NUDT4: variants seen among roughly 807,000 people sequenced by gnomAD.
NUDT4 encodes the protein nudix hydrolase 4.
NUDT4 carries 5 observed loss-of-function variants against 23.1 expected under a neutral mutation model. The observed-to-expected ratio is 0.22, with a 90% CI of 0.11 to 0.46. NUDT4 has a LOEUF of 0.46. Ranked by LOEUF, NUDT4 falls within the 20% of genes least tolerant of loss-of-function variation. NUDT4 has a pLI of 0.99. For synonymous variants in NUDT4, 50 were observed against 79.0 expected, an observed-to-expected ratio of 0.63 and a Z score of 1.95; for missense variants, 96 against 211.6, an observed-to-expected ratio of 0.45 and a Z score of 3.39.
At chr12:93,393,802 C>T (rs1258136514) in intron 1 of NUDT4, among the ~76,000 whole-genome samples, 1 of 152,158 alleles carries the variant, frequency 6.6e-6, no homozygotes, top group African/African-American at 2.4e-5. Context: ...CAGTAACAAG[C>T]ACTCTGTATC....
Position 93,402,898 on chromosome 12 carries a change from TAGAATCCTTA to T in NUDT4, c.*3522_*3531del. On this transcript the variant is annotated 3_prime_UTR_variant, in exon 5 of 5. Transcript: ENST00000415493. ...ACATACTGCTGCCAAAGACCAACTGTAGAATCCTTAAGTCCTGTTCAAGTGTCACTTCATT... is the reference window on the plus strand; with the variant it reads ...ACATACTGCTGCCAAAGACCAACTGTAGTCCTGTTCAAGTGTCACTTCATT... 1 of 152,328 alleles carries T rather than the reference TAGAATCCTTA, an allele frequency of 6.6e-6. No individual in the cohort carries two copies. Among genetic ancestry groups the T allele is most frequent in the Non-Finnish European group, 1.5e-5 (1 of 68,022 alleles). The allele number at this position is 152,328 out of a possible 1,614,324, so 9.4% of individuals were successfully genotyped here.
chr12:93,387,723 C>T (rs1215559041), intron 1 of NUDT4, among the ~76,000 whole-genome samples: 1 of 152,174 alleles, frequency 6.6e-6, no homozygotes, highest in Non-Finnish European at 1.5e-5. Context: ...AAGTGCATGA[C>T]AGACCCCAGG....
intron 1 of NUDT4, among the ~76,000 whole-genome samples, chr12:93,387,784 CTT>C (rs1421885808): frequency 1.3e-5 from 2 of 152,130 alleles, no homozygotes; most frequent in African/African-American, 4.8e-5. Flanking sequence ...AGTTAAAAGA[CTT>C]TTCACTGTTA....
Position 93,403,023 on chromosome 12 carries a change from G to A in NUDT4, c.*3644G>A, listed in dbSNP as rs957087112. 12 of 132,168 alleles carry A rather than the reference G, an allele frequency of 9.1e-5. No homozygotes were observed. The highest frequency in any genetic ancestry group is 4.0e-4 in the African/African-American group (12 of 30,054). The allele number at this position is 132,168 out of a possible 1,614,324, so 8.2% of individuals were successfully genotyped here. A position where few individuals can be genotyped will look rare whatever the true frequency, so the allele number is the denominator to read the frequency against. On this transcript the variant is annotated 3_prime_UTR_variant, in exon 5 of 5. Transcript: ENST00000415493. ...ATTGGAGTATAAGAATTCTCTATAG[G>A]ACTCTTTAATTTTTTTTTTTTTTTG...
intron 1 of NUDT4, among the ~76,000 whole-genome samples, chr12:93,383,569 C>T (rs917578666): frequency 1.4e-4 from 22 of 152,208 alleles, no homozygotes; most frequent in African/African-American, 3.6e-4. Flanking sequence ...CAGTGGCTCA[C>T]GCCTGTAATC....
chr12:93,392,247 C>T (rs12809913), intron 1 of NUDT4, among the ~76,000 whole-genome samples: 8,549 of 136,206 alleles, frequency 0.063, 372 homozygotes, highest in Middle Eastern at 0.075. Flanking sequence ...TTTGTTTCCC[C>T]CCCCCCCTTT....
chr12:93,390,690 G>A (rs982020570), intron 1 of NUDT4, among the ~76,000 whole-genome samples: 2 of 151,890 alleles, frequency 1.3e-5, no homozygotes, highest in African/African-American at 4.8e-5. Flanking sequence ...CTGTAACCTC[G>A]ACCTCCTGGG....
Position 93,403,848 on chromosome 12 carries a change from C to T in NUDT4, c.*4469C>T, listed in dbSNP as rs775650366. 6.6e-5 allele frequency: 10 copies of T among 152,154 alleles called. No homozygotes were observed. The highest frequency in any genetic ancestry group is 6.5e-4 in the Admixed American group (10 of 15,278). 9.4% of individuals were successfully genotyped at this position (152,154 alleles called of 1,614,324 possible). On this transcript the variant is annotated 3_prime_UTR_variant, in exon 5 of 5. Coordinates refer to ENST00000415493, the MANE Select transcript of NUDT4 (RefSeq NM_019094.6). The stretch of plus-strand genomic sequence containing the variant: ...TGCCACTGGCTAAATTCTAGCAGTA[C>T]GATGAGAGGGCCATTAAGGCCTATC...
chr12:93,395,437 T>G, intron 2 of NUDT4, 52 bp from the exon 3 acceptor site: 1 of 1,276,064 alleles, frequency 7.8e-7, no homozygotes. Flanking sequence ...TGTATTTATA[T>G]ACATTTTGTT....
intron 1 of NUDT4, among the ~76,000 whole-genome samples, chr12:93,384,765 ATTCTT>A (rs1875942725): frequency 2.0e-5 from 3 of 151,286 alleles, no homozygotes; most frequent in Admixed American, 1.3e-4. Context: ...TCAATACACT[ATTCTT>A]TTTTTTTTAA....
intron 1 of NUDT4, chr12:93,385,191 C>G (rs1875968266): frequency 6.6e-6 from 1 of 152,078 alleles, no homozygotes; most frequent in African/African-American, 2.4e-5. Context: ...TGGTAATTAT[C>G]TAATACATGG....
chr12:93,394,771 CTTT>C, intron 2 of NUDT4, 52 bp downstream of exon 2: 4 of 1,127,160 alleles, frequency 3.5e-6, no homozygotes, highest in Non-Finnish European at 5.3e-6. Flanking sequence ...AAACAAGGCC[CTTT>C]GCTACATAAC....
chr12:93,405,667 AAAC>A lies in NUDT4; in HGVS notation c.*6291_*6293del, dbSNP rs1393963376. ...GGGGTGAGTGTATAGTTAAGAAAAC[AAAC>A]AATATATTACTAGTCCAGGTGGTAG... On this transcript the variant is annotated 3_prime_UTR_variant, in exon 5 of 5. Coordinates refer to ENST00000415493, the MANE Select transcript of NUDT4 (RefSeq NM_019094.6). The A allele has an allele frequency of 6.6e-6, 1 of 152,180 alleles. No individual in the cohort carries two copies. Among genetic ancestry groups the A allele is most frequent in the Non-Finnish European group, 1.5e-5 (1 of 68,036 alleles). The allele number at this position is 152,180 out of a possible 1,614,324, so 9.4% of individuals were successfully genotyped here. A position where few individuals can be genotyped will look rare whatever the true frequency, so the allele number is the denominator to read the frequency against.
At chr12:93,381,881 T>A (rs1232771814) in intron 1 of NUDT4, among the ~76,000 whole-genome samples, 1 of 152,182 alleles carries the variant, frequency 6.6e-6, no homozygotes, top group Non-Finnish European at 1.5e-5. Flanking sequence ...TTTAGACTGC[T>A]AAGGGGAGAA....
chr12:93,395,747 A>G (rs1176239540), intron 3 of NUDT4, among the ~76,000 whole-genome samples: 2 of 152,002 alleles, frequency 1.3e-5, no homozygotes, highest in South Asian at 4.2e-4. Flanking sequence ...TTTAAGACAG[A>G]GTCTCGCTCT....
intron 1 of NUDT4, among the ~76,000 whole-genome samples, chr12:93,388,132 C>T (rs1226465262): frequency 1.3e-5 from 2 of 152,204 alleles, no homozygotes; most frequent in African/African-American, 4.8e-5. Context: ...ATTTCTATAT[C>T]ACAGATATTA....
chr12:93,404,514 T>C lies in NUDT4; in HGVS notation c.*5135T>C, dbSNP rs1391376214. The C allele has an allele frequency of 6.6e-6, 1 of 152,170 alleles. No homozygotes were observed. The highest frequency in any genetic ancestry group is 2.4e-5 in the African/African-American group (1 of 41,424). 9.4% of individuals were successfully genotyped at this position (152,170 alleles called of 1,614,324 possible). On this transcript the variant is annotated 3_prime_UTR_variant, in exon 5 of 5. Transcript: ENST00000415493. Reference sequence around the variant, plus strand: ...ATGGACAAGTTGCACAACCAAGCTATGGTCAAATATGTGTGTTGTAGGATT... The same window carrying C: ...ATGGACAAGTTGCACAACCAAGCTACGGTCAAATATGTGTGTTGTAGGATT...
intron 3 of NUDT4, among the ~76,000 whole-genome samples, chr12:93,398,201 G>C (rs760679639): frequency 6.6e-6 from 1 of 151,678 alleles, no homozygotes. Context: ...TTAGCCAGGC[G>C]TGGTGGCGTG....
chr12:93,398,323 C>T (rs893893757), intron 3 of NUDT4, among the ~76,000 whole-genome samples: 61 of 128,710 alleles, frequency 4.7e-4, no homozygotes, highest in Admixed American at 2.1e-3. Flanking sequence ...GGCAACAAAG[C>T]GAGACTCCCT....
Sources: allele counts gnomAD v4.1 joint callset (sites outside exome capture counted in the v4.1 genomes callset), GRCh38; gene constraint gnomAD v4.1.1; transcripts MANE v1.5; gene names NCBI Gene and HGNC (gene_info 2026-07-23, HGNC 2026-07-21).